Variants in GRM7 observed in about 807,000 individuals in gnomAD.
The protein encoded by GRM7 is metabotropic glutamate receptor 7.
GRM7 carries 35 observed loss-of-function variants against 84.5 expected under a neutral mutation model. That is an observed-to-expected ratio of 0.41 (90% CI 0.32 to 0.55). The LOEUF (loss-of-function observed/expected upper bound fraction) is 0.55, where lower values mean the gene tolerates loss of function less well. GRM7 is among the 20% of genes least tolerant of loss of function. The pLI is 0.19. For missense variants in GRM7, 1,003 were observed against 1,194.6 expected, an observed-to-expected ratio of 0.84 and a Z score of 2.36; for synonymous variants, 487 against 455.1, an observed-to-expected ratio of 1.07 and a Z score of -0.89.
chr3:7,475,900 T>C (rs1698902839), intron 7 of GRM7, among the ~76,000 whole-genome samples: 2 of 152,202 alleles, frequency 1.3e-5, no homozygotes, highest in African/African-American at 4.8e-5. Flanking sequence ...GGAGCTACTA[T>C]GGGGCTGGTA....
chr3:7,036,785 C>T (rs1696402948), intron 1 of GRM7, among the ~76,000 whole-genome samples: 1 of 29,506 alleles, frequency 3.4e-5, no homozygotes. Flanking sequence ...CAAGGTCTTT[C>T]TTGCTTTATA....
At chr3:7,496,198 C>T (rs1699695465) in intron 7 of GRM7, among the ~76,000 whole-genome samples, 1 of 152,060 alleles carries the variant, frequency 6.6e-6, no homozygotes, top group Admixed American at 6.6e-5. Context: ...CTCCATAGAC[C>T]ATGTATTCAT....
intron 1 of GRM7, among the ~76,000 whole-genome samples, chr3:7,086,988 T>C (rs1698480002): frequency 6.6e-6 from 1 of 152,126 alleles, no homozygotes; most frequent in East Asian, 1.9e-4. Context: ...AATAAGGACA[T>C]GGAACAGACA....
chr3:7,203,018 G>A (rs1295947777), intron 2 of GRM7, among the ~76,000 whole-genome samples: 1 of 152,224 alleles, frequency 6.6e-6, no homozygotes, highest in Non-Finnish European at 1.5e-5. Flanking sequence ...AGTCAGGGTA[G>A]AGGAGGTATC....
At position 6,862,790 on chromosome 3, in the gene GRM7, C is replaced by T. The variant is rs1431112675; in HGVS notation, c.519+883C>T. 3.2e-6 allele frequency: 1 copy of T among 315,822 alleles called. No individual in the cohort carries two copies. The highest frequency in any genetic ancestry group is 6.3e-6 in the Non-Finnish European group (1 of 158,908). The allele number at this position is 315,822 out of a possible 1,614,324, so 19.6% of individuals were successfully genotyped here. On this transcript the variant is annotated intron_variant, in intron 1 of 9. Coordinates refer to ENST00000357716, the MANE Select transcript of GRM7 (RefSeq NM_000844.4). This position sits in a 1 kb window ranked among gnomAD's most constrained non-coding sequence, Gnocchi z 5.2. ...CAAGCCAAATCCTCGGCTTGGAGGA[C>T]GATTCCCGGAGCGAGGCATGAAGGC...
At chr3:6,922,358 T>A (rs1189096999) in intron 1 of GRM7, among the ~76,000 whole-genome samples, 1 of 152,248 alleles carries the variant, frequency 6.6e-6, no homozygotes, top group Non-Finnish European at 1.5e-5. Context: ...TCTAGCTTTT[T>A]CGTGGTCATA....
chr3:6,865,306 A>G (rs960331855), intron 1 of GRM7, among the ~76,000 whole-genome samples: 19 of 152,224 alleles, frequency 1.2e-4, no homozygotes, highest in Non-Finnish European at 7.3e-5. Flanking sequence ...GTTATATAAT[A>G]CGGTGACCAA....
At chr3:7,264,172 C>T (rs1698546773) in intron 2 of GRM7, among the ~76,000 whole-genome samples, 2 of 152,214 alleles carry the variant, frequency 1.3e-5, no homozygotes, top group South Asian at 4.1e-4. Flanking sequence ...GCCAACATAC[C>T]GAGGGGTGTT....
intron 1 of GRM7, among the ~76,000 whole-genome samples, chr3:6,959,621 G>A (rs17694650): frequency 0.098 from 14,884 of 152,074 alleles, 797 homozygotes; most frequent in Non-Finnish European, 0.11. Context: ...CCTCATTAAG[G>A]GTTGCAGTTA....
At chr3:7,478,337 G>A (rs745549974) in intron 7 of GRM7, among the ~76,000 whole-genome samples, 40 of 152,092 alleles carry the variant, frequency 2.6e-4, no homozygotes, top group Non-Finnish European at 5.0e-4. Context: ...CACTTCTTGT[G>A]ATATGGGCAA....
intron 1 of GRM7, among the ~76,000 whole-genome samples, chr3:7,052,072 A>G (rs1166403132): frequency 3.3e-5 from 5 of 151,698 alleles, no homozygotes; most frequent in Non-Finnish European, 7.4e-5. Flanking sequence ...TTGGTTCAGA[A>G]ATTCTCATTT....
intron 2 of GRM7, among the ~76,000 whole-genome samples, chr3:7,273,005 C>T (rs1698922271): frequency 6.6e-6 from 1 of 151,844 alleles, no homozygotes; most frequent in South Asian, 2.1e-4. Context: ...CCTCTATGGA[C>T]TGTGTTAGCT....
chr3:7,145,307 C>T (rs143149484), intron 1 of GRM7, among the ~76,000 whole-genome samples: 15 of 152,070 alleles, frequency 9.9e-5, no homozygotes, highest in Non-Finnish European at 1.6e-4. Flanking sequence ...ATCATTCTTA[C>T]GTGAAAATTA....
At chr3:7,243,921 A>G (rs994745498) in intron 2 of GRM7, among the ~76,000 whole-genome samples, 1 of 152,154 alleles carries the variant, frequency 6.6e-6, no homozygotes, top group African/African-American at 2.4e-5. Flanking sequence ...AAATCTAAAC[A>G]TGGGAAAGGT....
intron 1 of GRM7, among the ~76,000 whole-genome samples, chr3:7,142,371 A>G (rs1693973185): frequency 6.6e-6 from 1 of 152,170 alleles, no homozygotes; most frequent in Non-Finnish European, 1.5e-5. Flanking sequence ...ACAGTTCAGC[A>G]TGGCTGGGGA....
At chr3:6,923,983 C>G (rs962255248) in intron 1 of GRM7, among the ~76,000 whole-genome samples, 5 of 152,180 alleles carry the variant, frequency 3.3e-5, no homozygotes, top group Middle Eastern at 3.2e-3. Flanking sequence ...ACATCTGATA[C>G]TTATTTAAGT....
chr3:7,176,094 A>T (rs1423971090), intron 2 of GRM7, among the ~76,000 whole-genome samples: 2 of 152,066 alleles, frequency 1.3e-5, no homozygotes, highest in African/African-American at 2.4e-5. Flanking sequence ...AACCTTAAAG[A>T]GAGCTACGTT....
intron 4 of GRM7, among the ~76,000 whole-genome samples, chr3:7,318,278 C>T (rs1700653265): frequency 6.6e-6 from 1 of 151,966 alleles, no homozygotes; most frequent in South Asian, 2.1e-4. Context: ...TGGTGCATCA[C>T]TGGGGAGAAG....
intron 9 of GRM7, among the ~76,000 whole-genome samples, chr3:7,719,552 C>A (rs1701870879): frequency 6.6e-6 from 1 of 152,068 alleles, no homozygotes; most frequent in Non-Finnish European, 1.5e-5. Flanking sequence ...GTGGCTCATG[C>A]CTGTAATCCC....
Sources: allele counts gnomAD v4.1 joint callset (sites outside exome capture counted in the v4.1 genomes callset), GRCh38; gene constraint gnomAD v4.1.1; non-coding constraint Gnocchi (gnomAD v3.1); transcripts MANE v1.5; gene names NCBI Gene and HGNC (gene_info 2026-07-23, HGNC 2026-07-21).